The following WDR27 variants were observed in gnomAD, a reference collection of about 807,000 sequenced individuals.
The protein encoded by WDR27 is WD repeat domain 27, also known as WD repeat-containing protein 27.
In WDR27, 100 loss-of-function variants were observed where a neutral mutation model predicts 114.4. That is an observed-to-expected ratio of 0.87 (90% CI 0.74 to 1.03). The LOEUF (loss-of-function observed/expected upper bound fraction) is 1.03. Among genes scored for constraint, WDR27 ranks in the 50% least tolerant of loss-of-function variants. The pLI, the probability that WDR27 is intolerant of heterozygous loss-of-function variation, is 0.00. For missense variants in WDR27, 1,129 were observed against 1,092.9 expected (o/e 1.03, Z -0.47); for synonymous variants, 449 against 423.1 (o/e 1.06, Z -0.75).
At chr6:169,430,032 G>A in the WDR27 span, among the ~76,000 whole-genome samples, 1 of 152,230 alleles carries the variant, frequency 6.6e-6, no homozygotes, top group Non-Finnish European at 1.5e-5. Context: ...ATCTTCAAGG[G>A]CCTCAAGGTC....
intron 25 of WDR27, among the ~76,000 whole-genome samples, chr6:169,562,555 G>C (rs73790012): frequency 0.016 from 2,462 of 152,196 alleles, 63 homozygotes; most frequent in African/African-American, 0.057. Flanking sequence ...CAGAAGGGGG[G>C]CCCAAGGGAG....
chr6:169,666,167 A>ATT (rs1827772698), intron 6 of WDR27, among the ~76,000 whole-genome samples: 1 of 152,242 alleles, frequency 6.6e-6, no homozygotes, highest in African/African-American at 2.4e-5. Context: ...GATCAAGTGT[A>ATT]TCATTGTTCT....
At chr6:169,463,473 G>T (rs1276633582) in intron 25 of WDR27, among the ~76,000 whole-genome samples, 1 of 152,170 alleles carries the variant, frequency 6.6e-6, no homozygotes, top group Non-Finnish European at 1.5e-5. Flanking sequence ...TTTCCTTTAA[G>T]ATCAGGCACA....
intron 25 of WDR27, among the ~76,000 whole-genome samples, chr6:169,503,174 C>G (rs2115494191): frequency 6.6e-6 from 1 of 152,174 alleles, no homozygotes; most frequent in Admixed American, 6.5e-5. Context: ...ATCAGGAGGC[C>G]CAGCTGAGAA....
rs1192591526 is a variant in WDR27, at chr6:169,636,384, C to G, written c.1990G>C (p.Asp664His). 6.2e-7 allele frequency: 1 copy of G among 1,613,674 alleles called. No homozygotes were observed. The highest frequency in any genetic ancestry group is 1.3e-5 in the African/African-American group (1 of 74,900). Reference sequence around the variant, plus strand: ...GGGGGTGCCTACCTCTTAATCTCATCTTTGCAAGTGTCAATGTGATACCTC... The same window carrying G: ...GGGGGTGCCTACCTCTTAATCTCATGTTTGCAAGTGTCAATGTGATACCTC... ...LLRYHIDTCK[D>H]EIKRYKQKSK... is the part of the protein sequence containing the mutation. The change falls in exon 19 of 26, where the codon GAT becomes CAT. Residue 664 changes from aspartate to histidine, a missense_variant. Asp to His is a moderately conservative substitution (Grantham distance 81). Coordinates refer to ENST00000448612, the MANE Select transcript of WDR27 (RefSeq NM_182552.5).
At position 169,649,187 on chromosome 6, in the gene WDR27, A is replaced by G; in HGVS notation, c.1559+11T>C. ...TTCAAATGTACTTGGAATGCACGCT[A>G]CATCACACACCGTGCGCAGCTGCTC... On this transcript the variant is annotated intron_variant, in intron 15 of 25. Coordinates refer to ENST00000448612, the MANE Select transcript of WDR27 (RefSeq NM_182552.5). The G allele has an allele frequency of 6.4e-7, 1 of 1,562,060 alleles. No individual in the cohort carries two copies. The highest frequency in any genetic ancestry group is 8.7e-7 in the Non-Finnish European group (1 of 1,151,910).
intron 17 of WDR27, 69 bp from the exon 18 acceptor site, chr6:169,638,729 T>C: frequency 1.3e-6 from 2 of 1,523,102 alleles, no homozygotes; most frequent in Non-Finnish European, 1.8e-6. Flanking sequence ...GTGCTACTTA[T>C]CTGGTACTTT....
chr6:169,600,428 C>T (rs902959852), intron 23 of WDR27, among the ~76,000 whole-genome samples: 3 of 152,220 alleles, frequency 2.0e-5, no homozygotes, highest in African/African-American at 7.2e-5. Context: ...CAAAGGAATG[C>T]AGCTCCTCAC....
chr6:169,672,503 C>T (rs866414964), intron 2 of WDR27, 107 bp from the exon 3 acceptor site: 60 of 1,137,676 alleles, frequency 5.3e-5, no homozygotes, highest in South Asian at 5.0e-4. Flanking sequence ...TTTTCAAATA[C>T]ATTTATCTTA....
intron 22 of WDR27, among the ~76,000 whole-genome samples, chr6:169,607,428 A>C (rs201944976): frequency 0.29 from 6,694 of 22,764 alleles, 324 homozygotes; most frequent in East Asian, 0.51. Context: ...ACACACATAT[A>C]ATATAATATT....
intron 25 of WDR27, among the ~76,000 whole-genome samples, chr6:169,516,428 T>C (rs570037697): frequency 2.0e-5 from 3 of 152,284 alleles, no homozygotes; most frequent in African/African-American, 7.2e-5. Flanking sequence ...AAAAGGCTTG[T>C]CTTTCTCTCA....
At chr6:169,661,322 T>G (rs1826029421) in intron 9 of WDR27, among the ~76,000 whole-genome samples, 1 of 152,178 alleles carries the variant, frequency 6.6e-6, no homozygotes, top group Admixed American at 6.5e-5. Flanking sequence ...CCTCTGTGAA[T>G]AAGGAACCAA....
chr6:169,698,793 C>T (rs1397860630), intron 1 of WDR27, among the ~76,000 whole-genome samples: 3 of 152,346 alleles, frequency 2.0e-5, no homozygotes, highest in African/African-American at 4.8e-5. Flanking sequence ...AGAGGGGCCA[C>T]GGTGGTGGCA....
At chr6:169,629,592 G>T (rs1234051202) in intron 21 of WDR27, among the ~76,000 whole-genome samples, 1 of 152,104 alleles carries the variant, frequency 6.6e-6, no homozygotes, top group South Asian at 2.1e-4. Context: ...TTTGAGACAA[G>T]CAGCAGCAAG....
intron 25 of WDR27, among the ~76,000 whole-genome samples, chr6:169,528,471 T>C (rs1487766417): frequency 6.6e-6 from 1 of 152,208 alleles, no homozygotes; most frequent in Non-Finnish European, 1.5e-5. Flanking sequence ...CTTTCCCTCC[T>C]AGGCCCATCC....
intron 2 of WDR27, among the ~76,000 whole-genome samples, chr6:169,674,238 G>T (rs1021032334): frequency 1.3e-5 from 2 of 152,132 alleles, no homozygotes; most frequent in Non-Finnish European, 2.9e-5. Flanking sequence ...AAAGAATAGA[G>T]AAATGCGATG....
intron 17 of WDR27, among the ~76,000 whole-genome samples, chr6:169,641,511 A>C (rs1819159497): frequency 6.6e-6 from 1 of 152,096 alleles, no homozygotes; most frequent in South Asian, 2.1e-4. Context: ...CTAAAACCCT[A>C]CCTAGGTCAG....
intron 24 of WDR27, among the ~76,000 whole-genome samples, chr6:169,573,927 T>C (rs574739100): frequency 2.6e-5 from 4 of 152,378 alleles, no homozygotes; most frequent in South Asian, 4.1e-4. Context: ...AAATAAGTCT[T>C]GCTTGGCTAC....
chr6:169,541,485 T>C (rs1309365329), intron 25 of WDR27, among the ~76,000 whole-genome samples: 1 of 152,178 alleles, frequency 6.6e-6, no homozygotes, highest in African/African-American at 2.4e-5. Flanking sequence ...GTCAGACATG[T>C]CAATAAGAAA....
Sources: allele counts gnomAD v4.1 joint callset (sites outside exome capture counted in the v4.1 genomes callset), GRCh38; gene constraint gnomAD v4.1.1; transcripts MANE v1.5; gene names NCBI Gene and HGNC (gene_info 2026-07-23, HGNC 2026-07-21).